The following WAPL variants were observed in gnomAD, a reference collection of about 807,000 sequenced individuals.
WAPL encodes the protein WAPL cohesin release factor.
In WAPL, 5 loss-of-function variants were observed where a neutral mutation model predicts 121.0. The observed-to-expected ratio is 0.04, with a 90% confidence interval of 0.02 to 0.09. The LOEUF is 0.09. Ranked by LOEUF, WAPL falls within the 10% of genes least tolerant of loss-of-function variation. WAPL has a pLI of 1.00. For synonymous variants in WAPL, 480 were observed against 481.5 expected, an observed-to-expected ratio of 1.00 and a Z score of 0.04; for missense variants, 999 against 1,410.8, an observed-to-expected ratio of 0.71 and a Z score of 4.68.
At chr10:86,445,630 T>C (rs1447401709) in intron 16 of WAPL, among the ~76,000 whole-genome samples, 1 of 151,946 alleles carries the variant, frequency 6.6e-6, no homozygotes, top group East Asian at 1.9e-4. Context: ...GCTCAAGCAA[T>C]CCTCCCACCT....
intron 3 of WAPL, among the ~76,000 whole-genome samples, chr10:86,499,235 C>T (rs1480048783): frequency 6.6e-6 from 1 of 152,202 alleles, no homozygotes; most frequent in African/African-American, 2.4e-5. Context: ...ATCATTAACA[C>T]TTGAAATGCT....
chr10:86,473,618 A>G (rs538073652), intron 5 of WAPL, among the ~76,000 whole-genome samples: 3 of 152,220 alleles, frequency 2.0e-5, no homozygotes, highest in African/African-American at 7.2e-5. Flanking sequence ...AAATTCCATG[A>G]AATGTGGGTC....
intron 12 of WAPL, among the ~76,000 whole-genome samples, chr10:86,454,331 A>AG (rs1003513052): frequency 6.6e-6 from 1 of 152,174 alleles, no homozygotes; most frequent in African/African-American, 2.4e-5. Context: ...CAATTTTCCA[A>AG]GGGGATGAGC....
intron 4 of WAPL, among the ~76,000 whole-genome samples, chr10:86,478,115 AC>A (rs1841701476): frequency 1.2e-5 from 1 of 86,370 alleles, no homozygotes; most frequent in Non-Finnish European, 2.2e-5. Flanking sequence ...AGATACCTAA[AC>A]TTTTTTCTGT....
At chr10:86,512,984 T>C (rs895134420) in intron 2 of WAPL, among the ~76,000 whole-genome samples, 5 of 152,320 alleles carry the variant, frequency 3.3e-5, no homozygotes, top group Admixed American at 6.5e-5. Context: ...ATCTTGTTTC[T>C]GGTTCCCTTA....
Position 86,443,327 on chromosome 10 carries a change from A to G in WAPL, c.3359T>C (p.Ile1120Thr), listed in dbSNP as rs1195792458. Reference sequence around the variant, plus strand: ...AAGTAGTGCTGTGTAGGAGGCCACAATGCAATCCTCCATGTGTTTGCCGGC... The same window carrying G: ...AAGTAGTGCTGTGTAGGAGGCCACAGTGCAATCCTCCATGTGTTTGCCGGC... ...QHAGKHMEDC[I>T]VASYTALLLG... Residue 1120 changes from isoleucine (I) to threonine (T), a missense_variant, in exon 17 of 19, where the codon ATT becomes ACT. Physicochemically the swap from Ile to Thr is moderately conservative, Grantham distance 89 (BLOSUM62 -1). Transcript: ENST00000298767. 5.0e-6 allele frequency: 8 copies of G among 1,613,986 alleles called. No homozygotes were observed. The highest frequency in any genetic ancestry group is 5.1e-6 in the Non-Finnish European group (6 of 1,179,990).
chr10:86,483,636 T>C (rs923247344), intron 4 of WAPL, among the ~76,000 whole-genome samples: 27 of 151,908 alleles, frequency 1.8e-4, no homozygotes, highest in African/African-American at 5.1e-4. Flanking sequence ...GCTGGCATCA[T>C]AGGAGATGAC....
At chr10:86,470,761 T>C (rs1841517424) in intron 8 of WAPL, among the ~76,000 whole-genome samples, 1 of 152,198 alleles carries the variant, frequency 6.6e-6, no homozygotes. Flanking sequence ...CAAAATACAA[T>C]TTTAAAAGTA....
intron 2 of WAPL, among the ~76,000 whole-genome samples, chr10:86,505,783 T>C (rs1842338451): frequency 6.6e-6 from 1 of 152,110 alleles, no homozygotes; most frequent in African/African-American, 2.4e-5. Flanking sequence ...AAATACAATT[T>C]CAAAAAGAAC....
At chr10:86,489,658 G>A (rs1326686987) in intron 4 of WAPL, among the ~76,000 whole-genome samples, 1 of 152,078 alleles carries the variant, frequency 6.6e-6, no homozygotes, top group Non-Finnish European at 1.5e-5. Context: ...TCAGTGTACA[G>A]GGCCAGCCTC....
chr10:86,508,192 G>C (rs1842388570), intron 2 of WAPL, among the ~76,000 whole-genome samples: 1 of 152,064 alleles, frequency 6.6e-6, no homozygotes, highest in African/African-American at 2.4e-5. Context: ...ACATCTATCT[G>C]AACTCTTTCC....
chr10:86,518,868 T>C (rs1246975216), intron 1 of WAPL, among the ~76,000 whole-genome samples: 3 of 152,236 alleles, frequency 2.0e-5, no homozygotes, highest in Admixed American at 1.3e-4. Flanking sequence ...AAGATTCTGC[T>C]TCTTGGTGTA....
In WAPL at chr10:86,500,368, T is replaced by C. The variant is rs1842224530; in HGVS notation, c.875A>G (p.Asn292Ser). 6.2e-7 allele frequency: 1 copy of C among 1,614,070 alleles called. No homozygotes were observed. The highest frequency in any genetic ancestry group is 1.7e-5 in the Admixed American group (1 of 60,006). ...DIVQSVLRPT[N>S]CRTYCRANKT... ...ATTGGCCCTACAGTACGTCCTACAG[T>C]TGGTTGGCCTAAGAACACTTTGTAC... Residue 292 changes from asparagine to serine, a missense_variant, in exon 3 of 19, where the codon AAC becomes AGC. By Grantham distance (46) the Asn-to-Ser change is conservative. Coordinates refer to ENST00000298767, the MANE Select transcript of WAPL (RefSeq NM_015045.5).
chr10:86,471,583 C>T (rs943902589), intron 7 of WAPL, among the ~76,000 whole-genome samples: 3 of 152,138 alleles, frequency 2.0e-5, no homozygotes, highest in Admixed American at 2.0e-4. Flanking sequence ...TAACTTATTA[C>T]TTGAACATCA....
At chr10:86,499,655 A>C in intron 3 of WAPL, 63 bp downstream of exon 3, 1 of 1,498,332 alleles carries the variant, frequency 6.7e-7, no homozygotes, top group Non-Finnish European at 8.9e-7. Flanking sequence ...GAAACCACAG[A>C]AAGTGAAACT....
chr10:86,479,127 AAAC>A (rs1055454063), intron 4 of WAPL, among the ~76,000 whole-genome samples: 8 of 152,170 alleles, frequency 5.3e-5, no homozygotes, highest in African/African-American at 9.6e-5. Context: ...AAAAAAAACA[AAAC>A]AACAACAACA....
chr10:86,437,130 T>A lies in WAPL; in HGVS notation c.*413A>T, dbSNP rs988789938. Reference sequence around the variant, plus strand: ...GAATGTCCTCAGAACATTCGCTACCTCAGTAGCTAAGCTGCCTTTGCACCT... The same window carrying A: ...GAATGTCCTCAGAACATTCGCTACCACAGTAGCTAAGCTGCCTTTGCACCT... On this transcript the variant is annotated 3_prime_UTR_variant, in exon 19 of 19. Coordinates refer to ENST00000298767, the MANE Select transcript of WAPL (RefSeq NM_015045.5). 23 of 160,164 alleles carry A rather than the reference T, an allele frequency of 1.4e-4. No individual in the cohort carries two copies. The highest frequency in any genetic ancestry group is 2.2e-4 in the Non-Finnish European group (16 of 73,474). 9.9% of individuals were successfully genotyped at this position (160,164 alleles called of 1,614,324 possible).
chr10:86,437,661 TAAG>T, intron 18 of WAPL, 53 bp from the exon 19 acceptor site: 1 of 1,572,412 alleles, frequency 6.4e-7, no homozygotes, highest in Non-Finnish European at 8.7e-7. Context: ...TAACAGATTT[TAAG>T]AAGTATAAAT....
intron 9 of WAPL, among the ~76,000 whole-genome samples, chr10:86,464,733 G>A (rs1169189557): frequency 6.6e-6 from 1 of 152,164 alleles, no homozygotes; most frequent in Non-Finnish European, 1.5e-5. Flanking sequence ...CTATTCAAGA[G>A]GCTGATGCAT....
Sources: allele counts gnomAD v4.1 joint callset (sites outside exome capture counted in the v4.1 genomes callset), GRCh38; gene constraint gnomAD v4.1.1; transcripts MANE v1.5; gene names NCBI Gene and HGNC (gene_info 2026-07-23, HGNC 2026-07-21).